MME: variants seen among roughly 807,000 people sequenced by gnomAD.
The protein encoded by MME is membrane metalloendopeptidase.
A neutral mutation model predicts 113.2 loss-of-function variants in MME; 98 were observed. The observed-to-expected ratio is 0.87, with a 90% CI of 0.74 to 1.02. MME has a LOEUF of 1.02. Ranked by LOEUF, MME falls within the 50% of genes least tolerant of loss-of-function variation. The pLI is 0.00. For synonymous variants in MME, 292 were observed against 300.6 expected (o/e 0.97, Z 0.30); for missense variants, 836 against 896.0 (o/e 0.93, Z 0.86).
rs61762320 is a variant in MME, at chr3:155,084,263, G to A, written c.96G>A (p.Ser32=). 525 of 1,613,984 alleles carry A rather than the reference G, an allele frequency of 3.3e-4. 1 individual carries two copies. Among genetic ancestry groups the A allele is most frequent in the Non-Finnish European group, 4.0e-4 (474 of 1,180,026 alleles). The change falls in exon 2 of 23, where the codon TCG becomes TCA. Residue 32 remains serine, a synonymous_variant. Coordinates refer to ENST00000360490, the MANE Select transcript of MME (RefSeq NM_007289.4). ...QRWTPLEISL[S]VLVLLLTIIA... ...GGACTCCACTGGAGATCAGCCTCTC[G>A]GTCCTTGTCCTGCTCCTCACCATCA...
chr3:155,149,744 G>A (rs952418509), intron 16 of MME, among the ~76,000 whole-genome samples: 6 of 152,160 alleles, frequency 3.9e-5, no homozygotes, highest in Non-Finnish European at 8.8e-5. Context: ...GTACAGGTTG[G>A]ACAAAACTGC....
chr3:155,096,782 A>G (rs939714976), intron 3 of MME, among the ~76,000 whole-genome samples: 1 of 152,076 alleles, frequency 6.6e-6, no homozygotes, highest in East Asian at 1.9e-4. Flanking sequence ...CAATGGCACA[A>G]TCACAGCTCA....
chr3:155,046,604 C>T (rs1405997197), intron 1 of MME, among the ~76,000 whole-genome samples: 5 of 152,138 alleles, frequency 3.3e-5, no homozygotes, highest in African/African-American at 7.2e-5. Flanking sequence ...GCAGGAGAAT[C>T]GCTTGAACCC....
intron 20 of MME, chr3:155,169,033 T>C (rs759587350): frequency 8.0e-6 from 4 of 497,262 alleles, no homozygotes; most frequent in Non-Finnish European, 1.4e-5. Context: ...AGAGAAAATA[T>C]GGAATATTAT....
chr3:155,076,708 A>G (rs1431174746), upstream of MME, among the ~76,000 whole-genome samples: 4 of 152,326 alleles, frequency 2.6e-5, no homozygotes, highest in East Asian at 3.9e-4. Context: ...TTTCTTCATT[A>G]TATGCCAAAC....
chr3:155,063,715 A>G (rs984678164), intron 1 of MME, among the ~76,000 whole-genome samples: 1 of 133,934 alleles, frequency 7.5e-6, no homozygotes, highest in South Asian at 2.2e-4. Flanking sequence ...ATATTATATT[A>G]TATATACCAT....
chr3:155,152,844 GA>G lies in MME; in HGVS notation c.1601+4203del, dbSNP rs112860597. On this transcript the variant is annotated intron_variant, in intron 16 of 22. Coordinates refer to ENST00000360490, the MANE Select transcript of MME (RefSeq NM_007289.4). ...CGACAGAGAGACACTCCGTCTCAAA[GA>G]AAAAAAAAAAATGGTCACATCCAAA... Among the ~76,000 whole-genome samples, 613 of 139,374 alleles carry G rather than the reference GA, an allele frequency of 4.4e-3. 9 individuals carry two copies. Among genetic ancestry groups the G allele is most frequent in the East Asian group, 0.026 (128 of 4,836 alleles). 91.4% of individuals were successfully genotyped at this position (139,374 alleles called of 152,430 possible). A position where few individuals can be genotyped will look rare whatever the true frequency, so the allele number is the denominator to read the frequency against.
chr3:155,133,195 G>A (rs1720308012), intron 8 of MME, among the ~76,000 whole-genome samples: 1 of 151,042 alleles, frequency 6.6e-6, no homozygotes, highest in African/African-American at 2.4e-5. Flanking sequence ...CTCGTACAAT[G>A]GATTTAGCAC....
Position 155,168,510 on chromosome 3 carries a change from A to C in MME, c.1799A>C (p.Asp600Ala). The C allele has an allele frequency of 6.2e-7, 1 of 1,613,076 alleles. No homozygotes were observed. The highest frequency in any genetic ancestry group is 1.1e-5 in the South Asian group (1 of 91,058). The part of the protein sequence containing the change: ...FDDNGRNFNK[D>A]GDLVDWWTQQ... ...ATTATAGGCAGAAACTTTAACAAAG[A>C]TGGAGACCTCGTTGACTGGTGGACT... The change falls in exon 19 of 23, where the codon GAT becomes GCT. Residue 600 changes from aspartate (D) to alanine (A), a missense_variant. By Grantham distance (126) the Asp-to-Ala change is moderately radical. Coordinates refer to ENST00000360490, the MANE Select transcript of MME (RefSeq NM_007289.4).
chr3:155,116,564 G>C lies in MME; in HGVS notation c.439+5G>C, dbSNP rs1053060665. ...ACAGGTCTTGTATAAATGAATGTAAGTGCTCTTCATTTGATTTCATTAGGA... is the reference window on the plus strand; with the variant it reads ...ACAGGTCTTGTATAAATGAATGTAACTGCTCTTCATTTGATTTCATTAGGA... On this transcript the variant is annotated splice_donor_5th_base_variant and intron_variant, in intron 5 of 22. Coordinates refer to ENST00000360490, the MANE Select transcript of MME (RefSeq NM_007289.4). The C allele has an allele frequency of 6.3e-7, 1 of 1,576,944 alleles. No individual in the cohort carries two copies. The highest frequency in any genetic ancestry group is 2.3e-5 in the East Asian group (1 of 44,384).
Position 155,123,872 on chromosome 3 carries a change from T to A in MME, c.720+5061T>A, listed in dbSNP as rs1173923687. On this transcript the variant is annotated intron_variant, in intron 8 of 22. Coordinates refer to ENST00000360490, the MANE Select transcript of MME (RefSeq NM_007289.4). Reference sequence around the variant, plus strand: ...TAACATTTTTTCCTTCATTTCAACTTTGGTGAATCTGACAATTATGTGTCT... The same window carrying A: ...TAACATTTTTTCCTTCATTTCAACTATGGTGAATCTGACAATTATGTGTCT... 1.0e-4 allele frequency among the ~76,000 whole-genome samples: 8 copies of A among 80,308 alleles called. No individual in the cohort carries two copies. The South Asian group carries it at 4.2e-3, about 42-fold the overall frequency. The allele number at this position is 80,308 out of a possible 152,430, so 52.7% of individuals were successfully genotyped here.
chr3:155,173,564 T>A (rs1229832128), intron 22 of MME, among the ~76,000 whole-genome samples: 2 of 148,400 alleles, frequency 1.3e-5, no homozygotes, highest in South Asian at 4.3e-4. Context: ...CTTGCTAGTA[T>A]CATCGTTGTC....
upstream of MME, among the ~76,000 whole-genome samples, chr3:155,077,498 A>C (rs1576686351): frequency 1.3e-5 from 2 of 152,344 alleles, no homozygotes; most frequent in East Asian, 1.9e-4. Context: ...AAACTTGCAC[A>C]AACTTCTGGG....
intron 8 of MME, among the ~76,000 whole-genome samples, chr3:155,128,158 A>T (rs768533670): frequency 6.6e-6 from 1 of 152,216 alleles, no homozygotes; most frequent in Non-Finnish European, 1.5e-5. Flanking sequence ...GTTACATGTC[A>T]TCCCAGAAAT....
intron 3 of MME, among the ~76,000 whole-genome samples, chr3:155,089,435 T>C (rs977465281): frequency 7.2e-5 from 11 of 152,208 alleles, no homozygotes; most frequent in African/African-American, 2.7e-4. Flanking sequence ...TTGTGGATGC[T>C]ATTCTGTGTA....
chr3:155,088,535 T>C (rs1715982338), intron 3 of MME, among the ~76,000 whole-genome samples: 1 of 151,666 alleles, frequency 6.6e-6, no homozygotes, highest in African/African-American at 2.4e-5. Flanking sequence ...AATACAAAAT[T>C]AGCCGGGTGT....
intron 1 of MME, among the ~76,000 whole-genome samples, chr3:155,071,882 C>T (rs1010665597): frequency 6.6e-6 from 1 of 152,166 alleles, no homozygotes; most frequent in Non-Finnish European, 1.5e-5. Context: ...TCACTGTCGG[C>T]CGGGCGCGGT....
intron 8 of MME, among the ~76,000 whole-genome samples, chr3:155,119,713 T>A (rs1421314134): frequency 6.6e-6 from 1 of 151,284 alleles, no homozygotes; most frequent in Non-Finnish European, 1.5e-5. Flanking sequence ...TGATTTCCAA[T>A]TTCATCCATG....
chr3:155,026,594 C>T (rs774440928), intron 1 of MME, among the ~76,000 whole-genome samples: 2 of 152,056 alleles, frequency 1.3e-5, no homozygotes, highest in Non-Finnish European at 2.9e-5. Context: ...TGTGGTGGCG[C>T]GTGCCTTTCA....
Sources: allele counts gnomAD v4.1 joint callset (sites outside exome capture counted in the v4.1 genomes callset), GRCh38; gene constraint gnomAD v4.1.1; transcripts MANE v1.5; gene names NCBI Gene and HGNC (gene_info 2026-07-23, HGNC 2026-07-21).